Variants in RNF216 observed in about 807,000 individuals in gnomAD.
RNF216 encodes the protein ring finger protein 216, also known as E3 ubiquitin-protein ligase RNF216.
In RNF216, 72 loss-of-function variants were observed where a neutral mutation model predicts 110.8. The observed-to-expected ratio is 0.65, with a 90% CI of 0.54 to 0.79. The LOEUF (loss-of-function observed/expected upper bound fraction) is 0.79. Ranked by LOEUF, RNF216 falls within the 30% of genes least tolerant of loss-of-function variation. RNF216 has a pLI of 0.00. For missense variants in RNF216, 1,342 were observed against 1,141.2 expected (o/e 1.18, Z -2.54); for synonymous variants, 495 against 407.5 (o/e 1.21, Z -2.59).
At position 5,778,338 on chromosome 7, in the gene RNF216, C is replaced by T. The variant is rs150837969; in HGVS notation, c.-70+3203G>A. Among the ~76,000 whole-genome samples the T allele has an allele frequency of 7.6e-3, 1,154 of 152,292 alleles. 6 individuals are homozygous for T. The highest frequency in any genetic ancestry group is 0.01 in the Non-Finnish European group (700 of 68,028). ...GACCAAATTAACTCTATTCATTGTT[C>T]GGTTCTTTGCTTTCTCCTCAGAGAA... is the stretch of plus-strand genomic sequence containing the variant. On this transcript the variant is annotated intron_variant, in intron 1 of 16. Transcript: ENST00000389902.
chr7:5,734,003 A>G (rs1411202510), intron 5 of RNF216, among the ~76,000 whole-genome samples: 3 of 152,224 alleles, frequency 2.0e-5, no homozygotes, highest in African/African-American at 7.2e-5. Flanking sequence ...AAAAAAATGT[A>G]GTTATTATCA....
intron 2 of RNF216, among the ~76,000 whole-genome samples, chr7:5,757,870 G>C (rs1489453629): frequency 6.6e-6 from 1 of 152,094 alleles, no homozygotes; most frequent in Non-Finnish European, 1.5e-5. Flanking sequence ...AATTATTAAT[G>C]TTGGCCAGGA....
At chr7:5,672,273 G>T (rs1789967933) in intron 13 of RNF216, among the ~76,000 whole-genome samples, 1 of 152,246 alleles carries the variant, frequency 6.6e-6, no homozygotes, top group South Asian at 2.1e-4. Context: ...CTTCCTGGAA[G>T]CAGCTGCCCC....
At chr7:5,762,061 T>C (rs1236106136) in intron 1 of RNF216, among the ~76,000 whole-genome samples, 4 of 151,960 alleles carry the variant, frequency 2.6e-5, no homozygotes, top group African/African-American at 9.7e-5. Flanking sequence ...TTATAGCAAA[T>C]ATGTAATAAA....
chr7:5,715,043 C>G lies in RNF216; in HGVS notation c.1833+10G>C, dbSNP rs771144096. 3.1e-6 allele frequency: 5 copies of G among 1,607,400 alleles called. No individual in the cohort carries two copies. The highest frequency in any genetic ancestry group is 3.3e-5 in the Admixed American group (2 of 59,728). ...TCCTATATACATGGGACATATTACACAGTTCTTACCTTTCCAGATCCAAAG... is the reference window on the plus strand; with the variant it reads ...TCCTATATACATGGGACATATTACAGAGTTCTTACCTTTCCAGATCCAAAG... On this transcript the variant is annotated intron_variant, in intron 11 of 16. Coordinates refer to ENST00000389902, the MANE Select transcript of RNF216 (RefSeq NM_207111.4).
At chr7:5,741,922 C>G in intron 3 of RNF216, 107 bp from the exon 4 acceptor site, 1 of 1,155,926 alleles carries the variant, frequency 8.7e-7, no homozygotes, top group Non-Finnish European at 1.2e-6. Context: ...ACAAAAACAC[C>G]ATCTCCCTTA....
chr7:5,645,651 T>C (rs770658811), intron 14 of RNF216, among the ~76,000 whole-genome samples: 1 of 152,050 alleles, frequency 6.6e-6, no homozygotes, highest in Non-Finnish European at 1.5e-5. Flanking sequence ...TGTGCAGTGG[T>C]GCAGTCTCAG....
At position 5,677,394 on chromosome 7, in the gene RNF216, T is replaced by A. The variant is rs1433697463; in HGVS notation, c.2062-24884A>T. On this transcript the variant is annotated intron_variant, in intron 13 of 16. Coordinates refer to ENST00000389902, the MANE Select transcript of RNF216 (RefSeq NM_207111.4). ...GACTGGACTACTAATCACAGAACCATATTCTTTTGGTTTTCTTGCCATTTT... is the reference window on the plus strand; with the variant it reads ...GACTGGACTACTAATCACAGAACCAAATTCTTTTGGTTTTCTTGCCATTTT... Among the ~76,000 whole-genome samples, 16 of 152,224 alleles carry A rather than the reference T, an allele frequency of 1.1e-4. 1 individual carries two copies. Among genetic ancestry groups the A allele is most frequent in the Admixed American group, 7.9e-4 (12 of 15,282 alleles).
rs1273827146 is a variant in RNF216 at position 5,712,740 on chromosome 7, C to A, written c.1957G>T (p.Ala653Ser). The A allele has an allele frequency of 4.3e-6, 7 of 1,614,090 alleles. No individual in the cohort carries two copies. Among genetic ancestry groups the A allele is most frequent in the Non-Finnish European group, 5.9e-6 (7 of 1,179,992 alleles). Residue 653 changes from alanine (A) to serine (S), a missense_variant, in exon 12 of 17, where the codon GCA (alanine) becomes TCA (serine). Coordinates refer to ENST00000389902, the MANE Select transcript of RNF216 (RefSeq NM_207111.4). The stretch of plus-strand genomic sequence containing the variant: ...CTGACAAGCTCGTCGGCGTAGGCTG[C>A]CGCAACCTCCTCCTCGGCTTTTCGC... Reference protein sequence around the residue: ...YERKAEEEVAAAYADELVRCP... With the variant: ...YERKAEEEVASAYADELVRCP...
chr7:5,683,618 C>T (rs753412104), intron 13 of RNF216, among the ~76,000 whole-genome samples: 4 of 152,164 alleles, frequency 2.6e-5, no homozygotes, highest in Non-Finnish European at 5.9e-5. Flanking sequence ...AATCCTGGCT[C>T]TACCCCTTTG....
intron 13 of RNF216, among the ~76,000 whole-genome samples, chr7:5,703,546 C>T (rs1173863116): frequency 6.6e-6 from 1 of 152,160 alleles, no homozygotes; most frequent in South Asian, 2.1e-4. Context: ...TACTTCACGG[C>T]TGTAAAGTTA....
At chr7:5,728,087 AT>A (rs953527651) in intron 7 of RNF216, among the ~76,000 whole-genome samples, 2 of 152,064 alleles carry the variant, frequency 1.3e-5, no homozygotes, top group African/African-American at 4.8e-5. Context: ...ATTCGTGATT[AT>A]TTCTCTCCAA....
At chr7:5,642,272 G>A (rs118187626) in intron 14 of RNF216, among the ~76,000 whole-genome samples, 3,073 of 151,402 alleles carry the variant, frequency 0.02, 40 homozygotes, top group Non-Finnish European at 0.029. Context: ...GGGCACAGTG[G>A]CTCCATCTCA....
At chr7:5,631,528 G>A (rs952493625) in intron 15 of RNF216, among the ~76,000 whole-genome samples, 3 of 152,166 alleles carry the variant, frequency 2.0e-5, no homozygotes, top group African/African-American at 4.8e-5. Context: ...AGGCAGAAGC[G>A]AATGCTTCAA....
chr7:5,637,547 A>G (rs573362796), intron 15 of RNF216, among the ~76,000 whole-genome samples: 1 of 152,104 alleles, frequency 6.6e-6, no homozygotes, highest in Non-Finnish European at 1.5e-5. Flanking sequence ...AGGATTATAC[A>G]TTTCTTTCCC....
chr7:5,629,930 A>G (rs548598878), intron 15 of RNF216, among the ~76,000 whole-genome samples: 1 of 152,204 alleles, frequency 6.6e-6, no homozygotes, highest in South Asian at 2.1e-4. Flanking sequence ...GACTTGGGAT[A>G]AGTGACAGAT....
intron 13 of RNF216, among the ~76,000 whole-genome samples, chr7:5,691,743 C>A (rs868005941): frequency 1.3e-5 from 2 of 152,160 alleles, no homozygotes; most frequent in Admixed American, 1.3e-4. Flanking sequence ...CTCTAGACAC[C>A]GGAGAGTTAC....
intron 1 of RNF216, among the ~76,000 whole-genome samples, chr7:5,770,194 G>A (rs572544650): frequency 1.3e-5 from 2 of 151,776 alleles, no homozygotes; most frequent in East Asian, 2.0e-4. Flanking sequence ...GGGCGCCGTG[G>A]CTCACATCTG....
Position 5,707,704 on chromosome 7 carries a change from A to T in RNF216, c.2061+4057T>A, listed in dbSNP as rs2345936. On this transcript the variant is annotated intron_variant, in intron 13 of 16. Transcript: ENST00000389902. ...TGATCTTAGTAAAAAAAAGCTTTTC[A>T]GTGTGTGTGTGTGGTTTTTTTTTTT... is the stretch of plus-strand genomic sequence containing the variant. Among the ~76,000 whole-genome samples, 371 of 141,802 alleles carry T rather than the reference A, an allele frequency of 2.6e-3. 2 individuals are homozygous for T. Among genetic ancestry groups the T allele is most frequent in the South Asian group, 0.013 (58 of 4,548 alleles). 93.0% of individuals were successfully genotyped at this position (141,802 alleles called of 152,430 possible).
Sources: gnomAD v4.1 joint callset for allele counts (sites outside exome capture counted in the v4.1 genomes callset) on GRCh38, gnomAD v4.1.1 for gene constraint, MANE v1.5 for transcripts, NCBI Gene and HGNC (gene_info 2026-07-23, HGNC 2026-07-21) for gene names.